The following AUTS2 variants were observed in gnomAD, a reference collection of about 807,000 sequenced individuals.
AUTS2 encodes activator of transcription and developmental regulator AUTS2, also known as autism susceptibility gene 2 protein.
A neutral mutation model predicts 112.4 loss-of-function variants in AUTS2; 17 were observed. The observed-to-expected ratio is 0.15, with a 90% CI of 0.10 to 0.23. AUTS2 has a LOEUF of 0.23. AUTS2 is among the 10% of genes least tolerant of loss of function. The pLI, the probability that AUTS2 is intolerant of heterozygous loss-of-function variation, is 1.00. For synonymous variants in AUTS2, 751 were observed against 702.7 expected (o/e 1.07, Z -1.09); for missense variants, 1,510 against 1,701.6 (o/e 0.89, Z 1.98).
chr7:70,610,054 C>T (rs1268307372), intron 5 of AUTS2, among the ~76,000 whole-genome samples: 3 of 152,006 alleles, frequency 2.0e-5, no homozygotes, highest in Non-Finnish European at 2.9e-5. Context: ...TGCAGTGGTG[C>T]GATCTTGGCA....
At chr7:70,045,734 G>A (rs924636610) in intron 2 of AUTS2, among the ~76,000 whole-genome samples, 6 of 150,372 alleles carry the variant, frequency 4.0e-5, no homozygotes, top group African/African-American at 1.2e-4. Flanking sequence ...CCAGCCTCCC[G>A]AGTAGCTGGG....
At chr7:70,630,201 T>G (rs556128123) in intron 5 of AUTS2, among the ~76,000 whole-genome samples, 1 of 152,302 alleles carries the variant, frequency 6.6e-6, no homozygotes, top group Non-Finnish European at 1.5e-5. Flanking sequence ...CTAGGCAGCG[T>G]TACACAGCTG....
At chr7:69,919,716 G>A (rs1795732766) in intron 2 of AUTS2, among the ~76,000 whole-genome samples, 1 of 152,054 alleles carries the variant, frequency 6.6e-6, no homozygotes, top group Non-Finnish European at 1.5e-5. Context: ...TTCTAACACT[G>A]TGAAGATGTT....
intron 2 of AUTS2, among the ~76,000 whole-genome samples, chr7:70,031,214 T>C (rs556559988): frequency 2.0e-5 from 3 of 152,276 alleles, no homozygotes; most frequent in East Asian, 3.9e-4. Flanking sequence ...GTCTATAGAA[T>C]TGGATTAGAC....
rs773264288 is a variant in AUTS2, at chr7:70,550,607, G to C, written c.690+114826G>C. ...AAAATAAAACCCACCATCTAGCCAG[G>C]CTTCTTGCTATTGGAGTGGGAATTT... On this transcript the variant is annotated intron_variant, in intron 5 of 18. Coordinates refer to ENST00000342771, the MANE Select transcript of AUTS2 (RefSeq NM_015570.4). Among the ~76,000 whole-genome samples, 86 of 152,190 alleles carry C rather than the reference G, an allele frequency of 5.7e-4. 1 individual carries two copies. The highest frequency in any genetic ancestry group is 1.9e-4 in the Non-Finnish European group (13 of 68,014).
At chr7:69,777,637 A>C (rs184467330) in intron 1 of AUTS2, among the ~76,000 whole-genome samples, 1 of 152,316 alleles carries the variant, frequency 6.6e-6, no homozygotes, top group Admixed American at 6.5e-5. Context: ...CTTTGCATTC[A>C]ATAGGTGACC....
intron 5 of AUTS2, among the ~76,000 whole-genome samples, chr7:70,531,497 C>G (rs3094902): frequency 6.6e-6 from 1 of 152,136 alleles, no homozygotes; most frequent in African/African-American, 2.4e-5. Flanking sequence ...TGCTCTGCTT[C>G]TGGTGAGGCC....
At chr7:70,775,034 C>T (rs917107502) in intron 12 of AUTS2, 3 of 366,538 alleles carry the variant, frequency 8.2e-6, no homozygotes, top group African/African-American at 4.2e-5. Flanking sequence ...CTCAGACCTA[C>T]CCGGTGTGGT....
chr7:69,792,968 A>G (rs1789682883), intron 1 of AUTS2, among the ~76,000 whole-genome samples: 1 of 152,074 alleles, frequency 6.6e-6, no homozygotes, highest in Non-Finnish European at 1.5e-5. Flanking sequence ...TGGGTGTGTT[A>G]TGTTGAGATT....
At chr7:70,248,783 A>T (rs560154160) in intron 4 of AUTS2, among the ~76,000 whole-genome samples, 1 of 152,296 alleles carries the variant, frequency 6.6e-6, no homozygotes, top group East Asian at 1.9e-4. Flanking sequence ...AAAGTTACTC[A>T]GGAGGAAAGG....
intron 1 of AUTS2, among the ~76,000 whole-genome samples, chr7:69,665,370 A>G (rs542274106): frequency 2.6e-5 from 4 of 151,072 alleles, no homozygotes; most frequent in African/African-American, 9.9e-5. Flanking sequence ...GCTGTCCTAA[A>G]TGTCTAGGTA....
At chr7:70,721,143 A>G (rs1382611545) in intron 6 of AUTS2, among the ~76,000 whole-genome samples, 1 of 151,972 alleles carries the variant, frequency 6.6e-6, no homozygotes, top group African/African-American at 2.4e-5. Context: ...CTTCTGCTCT[A>G]CTGGGCTCCT....
In AUTS2 at chr7:70,694,133, C is replaced by T. The variant is rs1808920662; in HGVS notation, c.691-4436C>T. 6.6e-6 allele frequency: 1 copy of T among 151,386 alleles called. No individual in the cohort carries two copies. Among genetic ancestry groups the T allele is most frequent in the Non-Finnish European group, 1.5e-5 (1 of 67,784 alleles). 9.4% of individuals were successfully genotyped at this position (151,386 alleles called of 1,614,324 possible). A position where few individuals can be genotyped will look rare whatever the true frequency, so the allele number is the denominator to read the frequency against. ...GCAAGGGGCCCCCGCGTAGCCGCCG[C>T]CCCCTCCTGCTACCGTCCAGCCAGG... On this transcript the variant is annotated intron_variant, in intron 5 of 18. Coordinates refer to ENST00000342771, the MANE Select transcript of AUTS2 (RefSeq NM_015570.4). This position sits in a 1 kb window ranked among gnomAD's most constrained non-coding sequence, Gnocchi z 4.1.
chr7:69,796,377 G>A (rs1266878994), intron 1 of AUTS2, among the ~76,000 whole-genome samples: 1 of 152,178 alleles, frequency 6.6e-6, no homozygotes, highest in East Asian at 1.9e-4. Context: ...ACAAAAGCTA[G>A]TTGTGCATGG....
chr7:70,607,484 C>T (rs1410315983), intron 5 of AUTS2, among the ~76,000 whole-genome samples: 2 of 152,048 alleles, frequency 1.3e-5, no homozygotes, highest in Admixed American at 1.3e-4. Context: ...AGACAACTCA[C>T]GATGCAGACG....
chr7:70,490,012 C>T (rs1009452906), intron 5 of AUTS2, among the ~76,000 whole-genome samples: 1 of 152,102 alleles, frequency 6.6e-6, no homozygotes, highest in African/African-American at 2.4e-5. Context: ...GCAGCCAAAG[C>T]AATTCCTCAG....
chr7:70,784,698 C>T, intron 15 of AUTS2: 1 of 517,438 alleles, frequency 1.9e-6, no homozygotes, highest in East Asian at 3.3e-5. Context: ...TGGTGGCCAG[C>T]CACGCTGGGA....
intron 1 of AUTS2, among the ~76,000 whole-genome samples, chr7:69,717,859 T>C (rs1261926352): frequency 6.6e-6 from 1 of 152,158 alleles, no homozygotes; most frequent in Non-Finnish European, 1.5e-5. Context: ...TTAGAGTTCA[T>C]CCACCGTTTT....
intron 6 of AUTS2, among the ~76,000 whole-genome samples, chr7:70,751,477 C>G (rs991887612): frequency 6.6e-6 from 1 of 152,162 alleles, no homozygotes; most frequent in African/African-American, 2.4e-5. Flanking sequence ...GTGCCTTGGT[C>G]TCACCCTTGG....
Sources: allele counts gnomAD v4.1 joint callset (sites outside exome capture counted in the v4.1 genomes callset), GRCh38; gene constraint gnomAD v4.1.1; non-coding constraint Gnocchi (gnomAD v3.1); transcripts MANE v1.5; gene names NCBI Gene and HGNC (gene_info 2026-07-23, HGNC 2026-07-21).